The following PCNX4 variants were observed in gnomAD, a reference collection of about 807,000 sequenced individuals.
PCNX4 encodes pecanex 4.
In PCNX4, 103 loss-of-function variants were observed where a neutral mutation model predicts 107.2. The observed-to-expected ratio is 0.96, with a 90% CI of 0.82 to 1.13. PCNX4 has a LOEUF of 1.13. PCNX4 is among the 50% of genes most tolerant of loss of function. The probability of loss-of-function intolerance (pLI) is 0.00; values close to 1 mark genes in which losing one functional copy is unlikely to be tolerated. For synonymous variants in PCNX4, 541 were observed against 481.7 expected (o/e 1.12, Z -1.61); for missense variants, 1,528 against 1,379.4 (o/e 1.11, Z -1.71).
At position 60,118,659 on chromosome 14, in the gene PCNX4, G is replaced by T. The variant is rs1366003330; in HGVS notation, c.1909G>T (p.Val637Leu). ...CCAAATGGTGCCCAGGTTGACTGCT[G>T]TACTGCAGACTGCAATGGCAGCTGG... ...YYQMVPRLTA[V>L]LQTAMAAGSL... The change falls in exon 7 of 11, where the codon GTA becomes TTA. Residue 637 changes from valine (V) to leucine (L), a missense_variant. Transcript: ENST00000406854. 1.9e-6 allele frequency: 3 copies of T among 1,601,782 alleles called. No individual in the cohort carries two copies. The highest frequency in any genetic ancestry group is 2.6e-6 in the Non-Finnish European group (3 of 1,171,752).
chr14:60,132,125 T>G (rs1896165740), intron 10 of PCNX4, among the ~76,000 whole-genome samples: 1 of 152,214 alleles, frequency 6.6e-6, no homozygotes, highest in South Asian at 2.1e-4. Flanking sequence ...ACGCTTCCTC[T>G]AACGGCTCTA....
Position 60,114,785 on chromosome 14 carries a change from G to C in PCNX4, c.775G>C (p.Gly259Arg), listed in dbSNP as rs182926644. 26 of 1,613,766 alleles carry C rather than the reference G, an allele frequency of 1.6e-5. No individual in the cohort carries two copies. The African/African-American group carries it at 3.1e-4, about 19-fold the overall frequency. ...ATTTTTACCCTTTCTGTGGGCACTT[G>C]GGACTCTGCCCCCACCCGATGCACT... is the stretch of plus-strand genomic sequence containing the variant. ...FVFLPFLWAL[G>R]TLPPPDALLL... The change falls in exon 3 of 11, where the codon GGG becomes CGG. Residue 259 changes from glycine (G) to arginine (R), a missense_variant. Coordinates refer to ENST00000406854, the MANE Select transcript of PCNX4 (RefSeq NM_001330177.2).
chr14:60,096,778 A>G (rs1895433786), intron 1 of PCNX4, among the ~76,000 whole-genome samples: 3 of 152,218 alleles, frequency 2.0e-5, no homozygotes, highest in Non-Finnish European at 4.4e-5. Flanking sequence ...CTTTGCTCCC[A>G]ACACAAAGCA....
Position 60,134,292 on chromosome 14 carries a change from T to C in PCNX4, c.*71T>C. ...TTCATCCTAAAAAAGTAACTGTGAT[T>C]CTTGTAACTTGAGGACTTCTCCACA... is the stretch of plus-strand genomic sequence containing the variant. On this transcript the variant is annotated 3_prime_UTR_variant, in exon 11 of 11. Transcript: ENST00000406854. The C allele has an allele frequency of 1.9e-6, 3 of 1,546,504 alleles. No individual in the cohort carries two copies. Among genetic ancestry groups the C allele is most frequent in the Middle Eastern group, 3.4e-4 (2 of 5,832 alleles).
At chr14:60,129,911 C>T (rs1896123981) in intron 10 of PCNX4, among the ~76,000 whole-genome samples, 2 of 151,090 alleles carry the variant, frequency 1.3e-5, no homozygotes, top group Non-Finnish European at 2.9e-5. Context: ...GAGAAAGTCA[C>T]GAAAGAGGGA....
chr14:60,131,961 A>G (rs955097291), intron 10 of PCNX4, among the ~76,000 whole-genome samples: 2 of 152,234 alleles, frequency 1.3e-5, no homozygotes, highest in African/African-American at 2.4e-5. Context: ...TCCGATAGCA[A>G]CATTCAAAAG....
chr14:60,147,133 TG>T lies in PCNX4; in HGVS notation c.*12916del, dbSNP rs1289432345. On this transcript the variant is annotated 3_prime_UTR_variant, in exon 11 of 11. Transcript: ENST00000406854. ...CTATAGTCTCAGCTACTCAGGAGGCTGGGGTGGGAGGATTGCTTGAGCCTGG... is the reference window on the plus strand; with the variant it reads ...CTATAGTCTCAGCTACTCAGGAGGCTGGGTGGGAGGATTGCTTGAGCCTGG... 3 of 151,922 alleles carry T rather than the reference TG, an allele frequency of 2.0e-5. No homozygotes were observed. The highest frequency in any genetic ancestry group is 6.6e-5 in the Admixed American group (1 of 15,254). The allele number at this position is 151,922 out of a possible 1,614,324, so 9.4% of individuals were successfully genotyped here. A position where few individuals can be genotyped will look rare whatever the true frequency, so the allele number is the denominator to read the frequency against.
At chr14:60,101,545 A>G (rs1895532411) in intron 1 of PCNX4, among the ~76,000 whole-genome samples, 1 of 152,190 alleles carries the variant, frequency 6.6e-6, no homozygotes, top group Non-Finnish European at 1.5e-5. Context: ...GTACTCCTTA[A>G]TATCACCTCA....
intron 1 of PCNX4, among the ~76,000 whole-genome samples, chr14:60,097,780 T>G (rs1452142459): frequency 1.3e-5 from 2 of 152,226 alleles, no homozygotes; most frequent in African/African-American, 4.8e-5. Flanking sequence ...GTTCTTACCC[T>G]GCCTAATTAA....
chr14:60,103,333 T>G (rs894395633), intron 1 of PCNX4, among the ~76,000 whole-genome samples: 1 of 152,190 alleles, frequency 6.6e-6, no homozygotes, highest in African/African-American at 2.4e-5. Flanking sequence ...AATGACACAT[T>G]TTAAGCAGAC....
intron 10 of PCNX4, chr14:60,133,607 A>G (rs1465272953): frequency 2.2e-6 from 1 of 463,408 alleles, no homozygotes; most frequent in East Asian, 6.5e-5. Context: ...ATATCTCAAC[A>G]AAGCTGTTTC....
intron 10 of PCNX4, 141 bp from the exon 11 acceptor site, chr14:60,133,829 A>G (rs1046397227): frequency 1.3e-6 from 1 of 788,144 alleles, no homozygotes; most frequent in East Asian, 2.7e-5. Context: ...TACATTTTTA[A>G]ACACTACTTT....
At chr14:60,118,194 AT>A in intron 6 of PCNX4, 134 bp from the exon 7 acceptor site, 1 of 1,284,390 alleles carries the variant, frequency 7.8e-7, no homozygotes, top group Non-Finnish European at 1.0e-6. Context: ...TAACAAAAAA[AT>A]CAAAGAATAA....
rs1345270356 is a variant in PCNX4 at position 60,143,015 on chromosome 14, A to G, written c.*8794A>G. On this transcript the variant is annotated 3_prime_UTR_variant, in exon 11 of 11. Transcript: ENST00000406854. Reference sequence around the variant, plus strand: ...AAATGCCATACAGATGAATCTTTAAAGATTTTAATTTATATATACCTCTTC... The same window carrying G: ...AAATGCCATACAGATGAATCTTTAAGGATTTTAATTTATATATACCTCTTC... 1 of 152,216 alleles carries G rather than the reference A, an allele frequency of 6.6e-6. No individual in the cohort carries two copies. Among genetic ancestry groups the G allele is most frequent in the Non-Finnish European group, 1.5e-5 (1 of 68,058 alleles). The allele number at this position is 152,216 out of a possible 1,614,324, so 9.4% of individuals were successfully genotyped here.
In PCNX4 at chr14:60,125,117, A is replaced by G. The variant is rs755377742; in HGVS notation, c.2946A>G (p.Leu982=). The G allele has an allele frequency of 6.2e-7, 1 of 1,613,092 alleles. No individual in the cohort carries two copies. The highest frequency in any genetic ancestry group is 8.5e-7 in the Non-Finnish European group (1 of 1,179,386). Reference sequence around the variant, plus strand: ...CAGTAATGACTTGTTATTTTAGTTTATTTGGAATAGACAATATGGCTCCTA... The same window carrying G: ...CAGTAATGACTTGTTATTTTAGTTTGTTTGGAATAGACAATATGGCTCCTA... ...VHTVMTCYFS[L]FGIDNMAPSP... Residue 982 remains leucine, a synonymous_variant, in exon 9 of 11, where the codon TTA becomes TTG. Coordinates refer to ENST00000406854, the MANE Select transcript of PCNX4 (RefSeq NM_001330177.2).
In PCNX4 at chr14:60,138,597, A is replaced by C. The variant is rs1896268698; in HGVS notation, c.*4376A>C. 6.6e-6 allele frequency: 1 copy of C among 152,226 alleles called. No individual in the cohort carries two copies. The highest frequency in any genetic ancestry group is 2.4e-5 in the African/African-American group (1 of 41,470). 9.4% of individuals were successfully genotyped at this position (152,226 alleles called of 1,614,324 possible). The stretch of plus-strand genomic sequence containing the variant: ...GATATTTTCAGGTTACTGAAAGAAA[A>C]TATCTGCAATTTTAGAATTCAATAC... On this transcript the variant is annotated 3_prime_UTR_variant, in exon 11 of 11. Coordinates refer to ENST00000406854, the MANE Select transcript of PCNX4 (RefSeq NM_001330177.2).
At chr14:60,097,813 G>A (rs1203290728) in intron 1 of PCNX4, among the ~76,000 whole-genome samples, 1 of 152,144 alleles carries the variant, frequency 6.6e-6, no homozygotes, top group Non-Finnish European at 1.5e-5. Flanking sequence ...ATTTTTAGCT[G>A]ACAGACTCAT....
At chr14:60,102,264 A>G (rs1213559342) in intron 1 of PCNX4, among the ~76,000 whole-genome samples, 1 of 152,198 alleles carries the variant, frequency 6.6e-6, no homozygotes, top group Non-Finnish European at 1.5e-5. Context: ...AATACAGGAA[A>G]AAAGAGGGAT....
In PCNX4 at chr14:60,137,943, T is replaced by A. The variant is rs1595183810; in HGVS notation, c.*3722T>A. 6.7e-6 allele frequency: 1 copy of A among 148,730 alleles called. No individual in the cohort carries two copies. The highest frequency in any genetic ancestry group is 2.1e-4 in the South Asian group (1 of 4,704). The allele number at this position is 148,730 out of a possible 1,614,324, so 9.2% of individuals were successfully genotyped here. On this transcript the variant is annotated 3_prime_UTR_variant, in exon 11 of 11. Transcript: ENST00000406854. ...TCTGTAGTAAAAATAAAAAAAAAAA[T>A]AACCGGGTGTGGTGGTGGGTGCCTG...
Sources: allele counts gnomAD v4.1 joint callset (sites outside exome capture counted in the v4.1 genomes callset), GRCh38; gene constraint gnomAD v4.1.1; transcripts MANE v1.5; gene names NCBI Gene and HGNC (gene_info 2026-07-23, HGNC 2026-07-21).